DHX15: variants seen among roughly 807,000 people sequenced by gnomAD.
DHX15 encodes DEAH-box helicase 15.
A neutral mutation model predicts 94.4 loss-of-function variants in DHX15; 11 were observed. The ratio of observed to expected loss-of-function variants is 0.12; its 90% confidence interval spans 0.07 to 0.19. The LOEUF is 0.19. Among genes scored for constraint, DHX15 ranks in the 10% least tolerant of loss-of-function variants. The pLI, the probability that DHX15 is intolerant of heterozygous loss-of-function variation, is 1.00. For synonymous variants in DHX15, 338 were observed against 329.9 expected (o/e 1.02, Z -0.27); for missense variants, 304 against 988.5 (o/e 0.31, Z 9.29).
At chr4:24,547,903 G>GTGTATATATATATA (rs1721469206) in intron 6 of DHX15, among the ~76,000 whole-genome samples, 2 of 70,750 alleles carry the variant, frequency 2.8e-5, no homozygotes, top group African/African-American at 1.2e-4. Context: ...GTATGTATGT[G>GTGTATATATATATA]TATATATATA....
intron 3 of DHX15, among the ~76,000 whole-genome samples, chr4:24,559,050 G>T (rs903740317): frequency 1.3e-5 from 2 of 152,128 alleles, no homozygotes; most frequent in Admixed American, 6.5e-5. Context: ...CTTTGCAGAA[G>T]TAATTAAGTT....
At chr4:24,552,335 C>T (rs1461776162) in intron 5 of DHX15, among the ~76,000 whole-genome samples, 1 of 151,880 alleles carries the variant, frequency 6.6e-6, no homozygotes, top group African/African-American at 2.4e-5. Context: ...TAACTCACTG[C>T]ATGTTGAAAA....
intron 6 of DHX15, among the ~76,000 whole-genome samples, chr4:24,545,479 C>A (rs1051561213): frequency 6.6e-6 from 1 of 152,136 alleles, no homozygotes; most frequent in South Asian, 2.1e-4. Context: ...ACTTGGCAAA[C>A]CCTCGTCATT....
chr4:24,551,239 G>A (rs1487677197), intron 5 of DHX15, among the ~76,000 whole-genome samples: 9 of 152,030 alleles, frequency 5.9e-5, no homozygotes, highest in Non-Finnish European at 1.2e-4. Flanking sequence ...TATGTAAAAC[G>A]CTTATTATAC....
chr4:24,582,695 A>AAACTT (rs1722443593), intron 1 of DHX15, among the ~76,000 whole-genome samples: 1 of 152,224 alleles, frequency 6.6e-6, no homozygotes, highest in Non-Finnish European at 1.5e-5. Flanking sequence ...GCAGGGTTCC[A>AAACTT]GATCCTGCTG....
chr4:24,574,334 T>A (rs138993431), intron 2 of DHX15, among the ~76,000 whole-genome samples: 16 of 151,788 alleles, frequency 1.1e-4, no homozygotes, highest in African/African-American at 3.9e-4. Flanking sequence ...AATAAGAGCA[T>A]GCTAGGAAAC....
intron 2 of DHX15, among the ~76,000 whole-genome samples, chr4:24,574,340 G>A (rs996729363): frequency 1.3e-5 from 2 of 151,920 alleles, no homozygotes; most frequent in Admixed American, 6.6e-5. Flanking sequence ...AGCATGCTAG[G>A]AAACATTTGA....
At chr4:24,578,727 C>A (rs1473242936) in intron 1 of DHX15, among the ~76,000 whole-genome samples, 2 of 151,994 alleles carry the variant, frequency 1.3e-5, no homozygotes, top group Non-Finnish European at 2.9e-5. Flanking sequence ...CACCACGCCT[C>A]GCTAATTTCT....
At chr4:24,553,746 C>A (rs1473603642) in intron 5 of DHX15, among the ~76,000 whole-genome samples, 1 of 151,928 alleles carries the variant, frequency 6.6e-6, no homozygotes, top group African/African-American at 2.4e-5. Context: ...CCACTGCGCT[C>A]CAGCCTGGTT....
At position 24,542,888 on chromosome 4, in the gene DHX15, G is replaced by A. The variant is rs537915513; in HGVS notation, c.1335+52C>T. The A allele has an allele frequency of 4.4e-4, 581 of 1,313,054 alleles. 8 individuals carry two copies. In the South Asian group the frequency reaches 6.6e-3, roughly 15 times the overall value. 81.3% of individuals were successfully genotyped at this position (1,313,054 alleles called of 1,614,324 possible). A position where few individuals can be genotyped will look rare whatever the true frequency, so the allele number is the denominator to read the frequency against. The stretch of plus-strand genomic sequence containing the variant: ...ATTTTAGCCATTAAATGAATTGGTT[G>A]TAAGTACTGTTAAACCAACTCTAAT... On this transcript the variant is annotated intron_variant, in intron 7 of 13. Transcript: ENST00000336812.
intron 1 of DHX15, among the ~76,000 whole-genome samples, chr4:24,582,431 G>A (rs1722436494): frequency 6.6e-6 from 1 of 152,198 alleles, no homozygotes; most frequent in Non-Finnish European, 1.5e-5. Context: ...CTAATCCCAA[G>A]GGGAACATTT....
chr4:24,558,718 G>C (rs192227757), intron 3 of DHX15, among the ~76,000 whole-genome samples: 14 of 152,104 alleles, frequency 9.2e-5, no homozygotes, highest in African/African-American at 3.4e-4. Context: ...ACTGCTGTTT[G>C]TACAATGAAT....
chr4:24,573,248 C>G (rs1438321401), intron 2 of DHX15, among the ~76,000 whole-genome samples: 1 of 152,182 alleles, frequency 6.6e-6, no homozygotes, highest in Non-Finnish European at 1.5e-5. Flanking sequence ...TCCTTTTCAG[C>G]TCTTTGCTTC....
chr4:24,532,631 C>T (rs528219712), intron 12 of DHX15, among the ~76,000 whole-genome samples: 4 of 152,236 alleles, frequency 2.6e-5, no homozygotes, highest in Admixed American at 2.0e-4. Context: ...AAAAACGATT[C>T]CTGTATAACT....
intron 11 of DHX15, among the ~76,000 whole-genome samples, chr4:24,536,799 G>A (rs1721208126): frequency 1.3e-5 from 2 of 152,246 alleles, no homozygotes; most frequent in South Asian, 4.1e-4. Context: ...TGTTATACAA[G>A]TCTGTCATTT....
chr4:24,565,459 A>C (rs944552678), intron 3 of DHX15, among the ~76,000 whole-genome samples: 2 of 152,228 alleles, frequency 1.3e-5, no homozygotes, highest in Non-Finnish European at 2.9e-5. Flanking sequence ...GCTACACATG[A>C]ACTAGAACCA....
intron 3 of DHX15, among the ~76,000 whole-genome samples, chr4:24,562,747 T>C (rs1177941954): frequency 1.3e-5 from 2 of 152,176 alleles, no homozygotes; most frequent in Non-Finnish European, 2.9e-5. Context: ...TGACATGAAA[T>C]GATAAACCCC....
At chr4:24,562,079 C>T (rs751197147) in intron 3 of DHX15, among the ~76,000 whole-genome samples, 6 of 132,362 alleles carry the variant, frequency 4.5e-5, no homozygotes, top group African/African-American at 1.1e-4. Context: ...CAGGCTGCAG[C>T]GAGCTGAGAT....
intron 10 of DHX15, among the ~76,000 whole-genome samples, chr4:24,539,319 A>T (rs149719264): frequency 1.1e-4 from 17 of 152,294 alleles, no homozygotes; most frequent in African/African-American, 4.1e-4. Context: ...AGTAGCAGAG[A>T]ATATTTTAAT....
Sources: gnomAD v4.1 joint callset for allele counts (sites outside exome capture counted in the v4.1 genomes callset) on GRCh38, gnomAD v4.1.1 for gene constraint, MANE v1.5 for transcripts, NCBI Gene and HGNC (gene_info 2026-07-23, HGNC 2026-07-21) for gene names.